CNTNAP5: variants seen among roughly 807,000 people sequenced by gnomAD.
The protein encoded by CNTNAP5 is contactin-associated protein-like 5.
In CNTNAP5, 72 loss-of-function variants were observed where a neutral mutation model predicts 150.2. That is an observed-to-expected ratio of 0.48 (90% confidence interval 0.40 to 0.58). The LOEUF is 0.58. CNTNAP5 is among the 20% of genes least tolerant of loss of function. The pLI is 0.00. For synonymous variants in CNTNAP5, 672 were observed against 619.8 expected (o/e 1.08, Z -1.25); for missense variants, 1,636 against 1,626.2 (o/e 1.01, Z -0.10).
intron 1 of CNTNAP5, among the ~76,000 whole-genome samples, chr2:124,096,722 G>A (rs1292873643): frequency 6.6e-6 from 1 of 151,520 alleles, no homozygotes; most frequent in Admixed American, 6.6e-5. Context: ...ATTTATTATA[G>A]AGACAGAGTC....
chr2:124,441,101 T>A (rs998715493), intron 5 of CNTNAP5, among the ~76,000 whole-genome samples: 1 of 152,118 alleles, frequency 6.6e-6, no homozygotes, highest in Non-Finnish European at 1.5e-5. Context: ...GTTTTCCCAA[T>A]TTTTTAACCA....
intron 6 of CNTNAP5, among the ~76,000 whole-genome samples, chr2:124,448,760 A>T (rs1692892053): frequency 6.6e-6 from 1 of 152,268 alleles, no homozygotes; most frequent in African/African-American, 2.4e-5. Flanking sequence ...AGTGCTACAG[A>T]TAAAATTATT....
At chr2:124,077,952 C>G (rs17010829) in intron 1 of CNTNAP5, among the ~76,000 whole-genome samples, 9,504 of 152,190 alleles carry the variant, frequency 0.062, 376 homozygotes, top group East Asian at 0.086. Flanking sequence ...TTCACAAAAT[C>G]CACTGCAGAG....
At chr2:124,531,345 T>G (rs907031708) in intron 10 of CNTNAP5, among the ~76,000 whole-genome samples, 1 of 152,194 alleles carries the variant, frequency 6.6e-6, no homozygotes, top group Non-Finnish European at 1.5e-5. Context: ...CACCTCCTGC[T>G]GTTGGTCCCA....
chr2:124,646,262 G>A (rs566193473), intron 12 of CNTNAP5, among the ~76,000 whole-genome samples: 2 of 152,300 alleles, frequency 1.3e-5, no homozygotes, highest in East Asian at 3.9e-4. Flanking sequence ...GATTAACCAA[G>A]GGCACCCAAG....
At position 124,647,919 on chromosome 2, in the gene CNTNAP5, G is replaced by T; in HGVS notation, c.2038G>T (p.Ala680Ser). The change falls in exon 13 of 24, where the codon GCC becomes TCC. Residue 680 changes from alanine (A) to serine (S), a missense_variant. Transcript: ENST00000682447. ...DGSEHCEQEV[A>S]YHCRRSRLLN... Reference sequence around the variant, plus strand: ...CTCTGAGCACTGTGAGCAGGAGGTGGCCTACCACTGCAGGAGGTCCCGCCT... The same window carrying T: ...CTCTGAGCACTGTGAGCAGGAGGTGTCCTACCACTGCAGGAGGTCCCGCCT... 3 of 1,607,448 alleles carry T rather than the reference G, an allele frequency of 1.9e-6. No homozygotes were observed. Among genetic ancestry groups the T allele is most frequent in the Non-Finnish European group, 2.5e-6 (3 of 1,177,528 alleles).
intron 2 of CNTNAP5, among the ~76,000 whole-genome samples, chr2:124,225,745 C>T (rs1037926850): frequency 1.3e-5 from 2 of 152,144 alleles, no homozygotes; most frequent in Admixed American, 6.5e-5. Flanking sequence ...ATTAGAAGTG[C>T]AAGTTTGTAC....
Position 124,824,358 on chromosome 2 carries a change from T to C in CNTNAP5, c.3217+26038T>C, listed in dbSNP as rs139431986. Among the ~76,000 whole-genome samples the C allele has an allele frequency of 1.1e-4, 17 of 152,300 alleles. No individual in the cohort carries two copies. The East Asian group carries it at 2.3e-3, about 21-fold the overall frequency. On this transcript the variant is annotated intron_variant, in intron 19 of 23. Coordinates refer to ENST00000682447, the MANE Select transcript of CNTNAP5 (RefSeq NM_001367498.1). ...CAGTTTGCTGCTTATTCCTCTGCTG[T>C]ACTTTCAAACAGAAAATAGCATGTT...
rs145298766 is a variant in CNTNAP5 at position 124,288,152 on chromosome 2, A to T, written c.381+45759A>T. On this transcript the variant is annotated intron_variant, in intron 3 of 23. Transcript: ENST00000682447. Reference sequence around the variant, plus strand: ...ACCATGTTTCCCAGACTAGTCTTGCATGCCTAGGCTCAAGTGATCCTCTAG... The same window carrying T: ...ACCATGTTTCCCAGACTAGTCTTGCTTGCCTAGGCTCAAGTGATCCTCTAG... Among the ~76,000 whole-genome samples, 711 of 152,252 alleles carry T rather than the reference A, an allele frequency of 4.7e-3. 4 individuals carry two copies. Among genetic ancestry groups the T allele is most frequent in the African/African-American group, 0.017 (690 of 41,542 alleles).
At chr2:124,696,717 C>T (rs897067225) in intron 13 of CNTNAP5, among the ~76,000 whole-genome samples, 2 of 152,170 alleles carry the variant, frequency 1.3e-5, no homozygotes, top group African/African-American at 4.8e-5. Flanking sequence ...CTAAGGTGAG[C>T]GTGTCAAATA....
chr2:124,638,594 G>T (rs1275884264), intron 12 of CNTNAP5, among the ~76,000 whole-genome samples: 1 of 151,980 alleles, frequency 6.6e-6, no homozygotes, highest in African/African-American at 2.4e-5. Context: ...GCATTTTCAT[G>T]TTACAAAAGT....
intron 8 of CNTNAP5, among the ~76,000 whole-genome samples, chr2:124,510,517 A>G (rs113070390): frequency 1.0e-5 from 1 of 97,896 alleles, no homozygotes; most frequent in African/African-American, 4.1e-5. Context: ...ATATATATAT[A>G]TACATATATC....
chr2:124,809,218 A>T (rs1455214507), intron 19 of CNTNAP5, among the ~76,000 whole-genome samples: 1 of 152,124 alleles, frequency 6.6e-6, no homozygotes, highest in African/African-American at 2.4e-5. Flanking sequence ...AACCAAGGCT[A>T]CTCAGTACTT....
rs141879894 is a variant in CNTNAP5 at position 124,466,587 on chromosome 2, A to G, written c.919-8152A>G. Among the ~76,000 whole-genome samples, 7 of 152,338 alleles carry G rather than the reference A, an allele frequency of 4.6e-5. No individual in the cohort carries two copies. In the East Asian group the frequency reaches 1.3e-3, roughly 29 times the overall value. On this transcript the variant is annotated intron_variant, in intron 6 of 23. Transcript: ENST00000682447. ...GAATTTGTACCAAACAATTGGAATTAACTTTATCAAGTGTTTCTAAGAGTT... is the reference window on the plus strand; with the variant it reads ...GAATTTGTACCAAACAATTGGAATTGACTTTATCAAGTGTTTCTAAGAGTT...
At chr2:124,227,337 C>A (rs891098406) in intron 2 of CNTNAP5, among the ~76,000 whole-genome samples, 2 of 152,020 alleles carry the variant, frequency 1.3e-5, no homozygotes, top group African/African-American at 4.8e-5. Context: ...GTATGGTGAA[C>A]CTGCCTCCTT....
At chr2:124,462,854 C>T (rs146903662) in intron 6 of CNTNAP5, among the ~76,000 whole-genome samples, 5 of 152,320 alleles carry the variant, frequency 3.3e-5, no homozygotes, top group African/African-American at 1.2e-4. Context: ...CATCCATTCA[C>T]GCCCATACCC....
intron 13 of CNTNAP5, among the ~76,000 whole-genome samples, chr2:124,684,342 CATT>C (rs1558734800): frequency 1.3e-5 from 2 of 152,174 alleles, no homozygotes; most frequent in African/African-American, 4.8e-5. Flanking sequence ...ATGTTAAAAA[CATT>C]ATACTGCAGG....
intron 10 of CNTNAP5, among the ~76,000 whole-genome samples, chr2:124,528,466 A>C (rs113799638): frequency 0.013 from 2,016 of 152,320 alleles, 20 homozygotes; most frequent in Admixed American, 0.021. Context: ...AAGCAGGAGA[A>C]AGCATGGATT....
intron 3 of CNTNAP5, among the ~76,000 whole-genome samples, chr2:124,316,520 TCA>T (rs1308469207): frequency 6.6e-6 from 1 of 152,056 alleles, no homozygotes; most frequent in Admixed American, 6.6e-5. Flanking sequence ...AGAATGGCTC[TCA>T]CAGCCGGGCA....
Sources: allele counts gnomAD v4.1 joint callset (sites outside exome capture counted in the v4.1 genomes callset), GRCh38; gene constraint gnomAD v4.1.1; transcripts MANE v1.5; gene names NCBI Gene and HGNC (gene_info 2026-07-23, HGNC 2026-07-21).